The following MYPN variants were observed in gnomAD, a reference collection of about 807,000 sequenced individuals.
MYPN encodes the protein sarcomeric protein myopalladin, 145 kDa (MYOP).
A neutral mutation model predicts 129.4 loss-of-function variants in MYPN; 63 were observed. The ratio of observed to expected loss-of-function variants is 0.49; its 90% CI spans 0.40 to 0.60. MYPN has a LOEUF of 0.60. Among genes scored for constraint, MYPN ranks in the 20% least tolerant of loss-of-function variants. The pLI, the probability that MYPN is intolerant of heterozygous loss-of-function variation, is 0.00. For synonymous variants in MYPN, 629 were observed against 600.9 expected (o/e 1.05, Z -0.68); for missense variants, 1,596 against 1,635.4 (o/e 0.98, Z 0.42).
Position 68,126,298 on chromosome 10 carries a change from A to C in MYPN, c.902+3958A>C, listed in dbSNP as rs566058870. ...TAATAATATTTTTTATATAGCAGAGAGGACACTGACCAAACTGGAAAGGAG... is the reference window on the plus strand; with the variant it reads ...TAATAATATTTTTTATATAGCAGAGCGGACACTGACCAAACTGGAAAGGAG... On this transcript the variant is annotated intron_variant, in intron 2 of 19. Transcript: ENST00000358913. 3.3e-5 allele frequency among the ~76,000 whole-genome samples: 5 copies of C among 152,348 alleles called. No homozygotes were observed. The East Asian group carries it at 9.6e-4, about 29-fold the overall frequency.
At chr10:68,178,588 C>A (rs1373139814) in intron 12 of MYPN, among the ~76,000 whole-genome samples, 1 of 151,864 alleles carries the variant, frequency 6.6e-6, no homozygotes, top group Non-Finnish European at 1.5e-5. Flanking sequence ...CAGTGGGTGC[C>A]TGTAGTCCCA....
intron 10 of MYPN, among the ~76,000 whole-genome samples, chr10:68,173,125 C>G (rs1318565756): frequency 6.6e-6 from 1 of 152,188 alleles, no homozygotes; most frequent in South Asian, 2.1e-4. Context: ...AGATGTTAAA[C>G]CAGGACCTTC....
chr10:68,116,555 G>T (rs547579384), intron 1 of MYPN, among the ~76,000 whole-genome samples: 26 of 152,276 alleles, frequency 1.7e-4, no homozygotes. Context: ...GGTCAACATG[G>T]TGAAAACCCA....
intron 10 of MYPN, 83 bp downstream of exon 10, chr10:68,166,749 C>G (rs2043062018): frequency 4.8e-5 from 75 of 1,555,226 alleles, no homozygotes; most frequent in Non-Finnish European, 6.4e-5. Flanking sequence ...TGGAACTCAG[C>G]TAGGCACAGT....
chr10:68,109,273 T>C, upstream of MYPN: 1 of 240,934 alleles, frequency 4.2e-6, no homozygotes, highest in Non-Finnish European at 8.5e-6. Context: ...TGAACTATGG[T>C]ATAATGCATT....
chr10:68,154,282 A>C (rs2042829699), intron 6 of MYPN, among the ~76,000 whole-genome samples: 1 of 152,198 alleles, frequency 6.6e-6, no homozygotes, highest in Non-Finnish European at 1.5e-5. Context: ...TACTCCTATC[A>C]CTGCTCCCAC....
chr10:68,197,464 C>G lies in MYPN; in HGVS notation c.3271C>G (p.Arg1091Gly). Residue 1091 changes from arginine (R) to glycine (G), a missense_variant, in exon 16 of 20, where the codon CGG (arginine) becomes GGG (glycine). Transcript: ENST00000358913. ...GGTAGCTCATGAGGGGCGCCTCTGTCGGCTGGACTGTAAGGTAGACTCCAG... is the reference window on the plus strand; with the variant it reads ...GGTAGCTCATGAGGGGCGCCTCTGTGGGCTGGACTGTAAGGTAGACTCCAG... Reference protein sequence around the residue: ...DMVAHEGRLCRLDCKVSGLPP... With the variant: ...DMVAHEGRLCGLDCKVSGLPP... 6.2e-7 allele frequency: 1 copy of G among 1,613,700 alleles called. No individual in the cohort carries two copies. Among genetic ancestry groups the G allele is most frequent in the Non-Finnish European group, 8.5e-7 (1 of 1,179,830 alleles).
chr10:68,183,596 C>A (rs1327394062), intron 12 of MYPN, among the ~76,000 whole-genome samples: 2 of 152,208 alleles, frequency 1.3e-5, no homozygotes, highest in Non-Finnish European at 2.9e-5. Context: ...ATAGAAGCTG[C>A]AGAAAAGGTT....
At position 68,122,198 on chromosome 10, in the gene MYPN, T is replaced by G. The variant is rs1372892244; in HGVS notation, c.760T>G (p.Ser254Ala). Residue 254 changes from serine (S) to alanine (A), a missense_variant, in exon 2 of 20, where the codon TCT (serine) becomes GCT (alanine). Transcript: ENST00000358913. ...EAAGGDTTPG[S>A]SPSSLYYEEP... ...GGCTGGTGGAGACACTACACCAGGGTCTTCCCCTTCATCTCTGTACTATGA... is the reference window on the plus strand; with the variant it reads ...GGCTGGTGGAGACACTACACCAGGGGCTTCCCCTTCATCTCTGTACTATGA... The G allele has an allele frequency of 6.2e-7, 1 of 1,608,946 alleles. No individual in the cohort carries two copies. The highest frequency in any genetic ancestry group is 8.5e-7 in the Non-Finnish European group (1 of 1,177,398).
intron 13 of MYPN, among the ~76,000 whole-genome samples, chr10:68,190,724 T>C (rs767659428): frequency 2.6e-5 from 4 of 152,202 alleles, no homozygotes; most frequent in Non-Finnish European, 5.9e-5. Flanking sequence ...CTTTGTTGCC[T>C]GTGCTTTTAA....
rs79721168 is a variant in MYPN, at chr10:68,138,084, T to C, written c.903-4856T>C. On this transcript the variant is annotated intron_variant, in intron 2 of 19. Transcript: ENST00000358913. ...TCATCAAGGACATTTTTTGGTGAAA[T>C]GGAATTTTTCTTTTTCTTTTTTCTT... 2.0e-3 allele frequency among the ~76,000 whole-genome samples: 301 copies of C among 151,304 alleles called. 3 individuals carry two copies. The highest frequency in any genetic ancestry group is 6.9e-3 in the African/African-American group (285 of 41,196).
chr10:68,161,565 C>T (rs1035632459), intron 7 of MYPN, among the ~76,000 whole-genome samples, 164 bp from the exon 8 acceptor site: 2 of 151,834 alleles, frequency 1.3e-5, no homozygotes, highest in Non-Finnish European at 2.9e-5. Context: ...CTGTAATATC[C>T]ATCCTGTCCC....
chr10:68,194,523 A>G lies in MYPN; in HGVS notation c.3075+11A>G. ...GCAGCCAACCCCCAGGTGGAGACGCAGGGTTCTGCGCTGTGCTGCACTCTG... is the reference window on the plus strand; with the variant it reads ...GCAGCCAACCCCCAGGTGGAGACGCGGGGTTCTGCGCTGTGCTGCACTCTG... On this transcript the variant is annotated intron_variant, in intron 14 of 19. Transcript: ENST00000358913. The G allele has an allele frequency of 6.2e-7, 1 of 1,612,628 alleles. No homozygotes were observed. The highest frequency in any genetic ancestry group is 8.5e-7 in the Non-Finnish European group (1 of 1,179,062).
chr10:68,118,497 G>T (rs1268502885), intron 1 of MYPN, among the ~76,000 whole-genome samples: 1 of 152,054 alleles, frequency 6.6e-6, no homozygotes, highest in African/African-American at 2.4e-5. Flanking sequence ...CAGTATAAAA[G>T]CTATCTCAAA....
chr10:68,190,145 G>C (rs1322171835), intron 13 of MYPN, among the ~76,000 whole-genome samples: 1 of 151,792 alleles, frequency 6.6e-6, no homozygotes, highest in African/African-American at 2.4e-5. Flanking sequence ...TCATATACCT[G>C]TTGGCCATTT....
intron 18 of MYPN, among the ~76,000 whole-genome samples, chr10:68,203,303 T>C (rs139500598): frequency 0.012 from 1,823 of 152,274 alleles, 8 homozygotes; most frequent in Middle Eastern, 0.048. Flanking sequence ...GCATAGGACA[T>C]TCTGGCTGGG....
intron 4 of MYPN, 37 bp downstream of exon 4, chr10:68,145,563 T>C (rs2042650704): frequency 6.5e-7 from 1 of 1,541,276 alleles, no homozygotes; most frequent in African/African-American, 1.4e-5. Flanking sequence ...TTTAGCATCC[T>C]CAGATCAATT....
chr10:68,119,977 A>G (rs932408926), intron 1 of MYPN, among the ~76,000 whole-genome samples: 18 of 152,248 alleles, frequency 1.2e-4, no homozygotes, highest in African/African-American at 3.6e-4. Flanking sequence ...ATGCTGTCAT[A>G]TAAGAGAATG....
chr10:68,107,084 C>T (rs939585592), upstream of MYPN, among the ~76,000 whole-genome samples: 24 of 152,166 alleles, frequency 1.6e-4, no homozygotes, highest in African/African-American at 5.3e-4. Context: ...TATACAATTA[C>T]AACTGAAGAT....
Sources: gnomAD v4.1 joint callset for allele counts (sites outside exome capture counted in the v4.1 genomes callset) on GRCh38, gnomAD v4.1.1 for gene constraint, MANE v1.5 for transcripts, NCBI Gene and HGNC (gene_info 2026-07-23, HGNC 2026-07-21) for gene names.